Variants in CDKAL1 observed in about 807,000 individuals in gnomAD.
CDKAL1 encodes the protein CDKAL1 threonylcarbamoyladenosine tRNA methylthiotransferase.
In CDKAL1, 32 loss-of-function variants were observed where a neutral mutation model predicts 68.2. The observed-to-expected ratio is 0.47, with a 90% CI of 0.35 to 0.63. CDKAL1 has a LOEUF of 0.63. Ranked by LOEUF, CDKAL1 falls within the 30% of genes least tolerant of loss-of-function variation. The pLI is 0.00. For missense variants in CDKAL1, 606 were observed against 696.7 expected (o/e 0.87, Z 1.47); for synonymous variants, 234 against 244.3 (o/e 0.96, Z 0.39).
In CDKAL1 at chr6:20,835,356, G is replaced by C. The variant is rs148698989; in HGVS notation, c.639-10719G>C. ...TAATACATACTAAGCAATAAACAAG[G>C]TACCTCCTTCCCCACAAAAGGAGCC... is the stretch of plus-strand genomic sequence containing the variant. On this transcript the variant is annotated intron_variant, in intron 8 of 15. Transcript: ENST00000274695. 2.3e-4 allele frequency among the ~76,000 whole-genome samples: 35 copies of C among 152,164 alleles called. No individual in the cohort carries two copies. The East Asian group carries it at 6.8e-3, about 29-fold the overall frequency.
intron 10 of CDKAL1, among the ~76,000 whole-genome samples, chr6:20,987,628 ACTT>A (rs993460386): frequency 1.6e-4 from 25 of 152,182 alleles, no homozygotes; most frequent in African/African-American, 4.8e-4. Context: ...GCAACAGTTA[ACTT>A]CTTCTTCCCG....
intron 8 of CDKAL1, among the ~76,000 whole-genome samples, chr6:20,835,710 G>A (rs578183872): frequency 1.5e-4 from 23 of 152,192 alleles, no homozygotes; most frequent in Admixed American, 4.6e-4. Context: ...ACCAGGCCCA[G>A]CTAATTTTTT....
intron 9 of CDKAL1, among the ~76,000 whole-genome samples, chr6:20,922,114 T>A (rs1762982650): frequency 6.6e-6 from 1 of 152,204 alleles, no homozygotes; most frequent in African/African-American, 2.4e-5. Context: ...GCATACATTC[T>A]GAGCCAATGC....
At chr6:20,635,654 C>G (rs903588355) in intron 4 of CDKAL1, among the ~76,000 whole-genome samples, 2 of 152,140 alleles carry the variant, frequency 1.3e-5, no homozygotes, top group Admixed American at 6.5e-5. Context: ...TAGGGATACT[C>G]AACCTGTACC....
intron 5 of CDKAL1, among the ~76,000 whole-genome samples, chr6:20,686,227 C>G (rs998385751): frequency 6.6e-6 from 1 of 152,014 alleles, no homozygotes; most frequent in Non-Finnish European, 1.5e-5. Flanking sequence ...GGACAGGGTC[C>G]CCAACCCCTG....
chr6:20,722,333 A>T (rs1772419018), intron 5 of CDKAL1: 1 of 201,182 alleles, frequency 5.0e-6, no homozygotes. Flanking sequence ...GATGCTTAGA[A>T]CTAGTTAATT....
intron 7 of CDKAL1, among the ~76,000 whole-genome samples, chr6:20,768,501 A>G (rs987009671): frequency 6.6e-6 from 1 of 152,180 alleles, no homozygotes; most frequent in African/African-American, 2.4e-5. Context: ...TCCTTCTTAC[A>G]AAATGAAGCT....
chr6:20,752,669 C>T (rs760609937), intron 6 of CDKAL1, among the ~76,000 whole-genome samples: 2 of 152,112 alleles, frequency 1.3e-5, no homozygotes, highest in Admixed American at 6.5e-5. Context: ...CCCCTGATCC[C>T]GATCCTTATG....
chr6:20,803,025 G>A (rs926152624), intron 8 of CDKAL1, among the ~76,000 whole-genome samples: 2 of 152,198 alleles, frequency 1.3e-5, no homozygotes, highest in African/African-American at 4.8e-5. Flanking sequence ...CTGACAGAAT[G>A]TCTGAACTTA....
At chr6:20,714,316 T>TC (rs1771982212) in intron 5 of CDKAL1, among the ~76,000 whole-genome samples, 1 of 151,100 alleles carries the variant, frequency 6.6e-6, no homozygotes, top group African/African-American at 2.4e-5. Flanking sequence ...TAAGTGTTTG[T>TC]CGTAATCAAT....
At chr6:20,841,836 T>G (rs959341019) in intron 8 of CDKAL1, among the ~76,000 whole-genome samples, 1 of 152,262 alleles carries the variant, frequency 6.6e-6, no homozygotes, top group African/African-American at 2.4e-5. Context: ...TTTGAGGGTT[T>G]TAGTCATTCT....
intron 5 of CDKAL1, among the ~76,000 whole-genome samples, chr6:20,699,128 G>A (rs1482681133): frequency 2.0e-5 from 3 of 151,782 alleles, no homozygotes; most frequent in Admixed American, 6.6e-5. Flanking sequence ...TGTTTTTCAA[G>A]TCCAGTTAAG....
At chr6:20,847,744 A>G (rs1295872299) in intron 9 of CDKAL1, among the ~76,000 whole-genome samples, 1 of 152,198 alleles carries the variant, frequency 6.6e-6, no homozygotes, top group Admixed American at 6.5e-5. Flanking sequence ...GTGACTTGAG[A>G]AAAAAAGAAG....
intron 8 of CDKAL1, among the ~76,000 whole-genome samples, chr6:20,809,988 GA>G (rs1044030076): frequency 6.6e-6 from 1 of 152,152 alleles, no homozygotes; most frequent in Non-Finnish European, 1.5e-5. Flanking sequence ...AAAGATAGAT[GA>G]AGACATTTCT....
At chr6:20,964,101 A>G (rs1020529754) in intron 10 of CDKAL1, among the ~76,000 whole-genome samples, 7 of 152,214 alleles carry the variant, frequency 4.6e-5, no homozygotes, top group African/African-American at 1.4e-4. Context: ...AATCAAAACC[A>G]CAATGAAATA....
intron 4 of CDKAL1, among the ~76,000 whole-genome samples, chr6:20,624,667 G>A (rs1341652630): frequency 1.3e-5 from 2 of 151,824 alleles, no homozygotes; most frequent in African/African-American, 4.8e-5. Context: ...TACAATTGAC[G>A]AGAGTAGTGG....
At chr6:20,841,473 A>G (rs1252341759) in intron 8 of CDKAL1, among the ~76,000 whole-genome samples, 1 of 152,222 alleles carries the variant, frequency 6.6e-6, no homozygotes, top group East Asian at 1.9e-4. Flanking sequence ...TTTAGTTTTC[A>G]CTTGCTTTAT....
chr6:20,588,988 TCAAA>T (rs748703096), intron 4 of CDKAL1, among the ~76,000 whole-genome samples: 19 of 152,188 alleles, frequency 1.2e-4, no homozygotes, highest in Admixed American at 3.9e-4. Context: ...TTTATGTGAA[TCAAA>T]CAGTCTTGGT....
At chr6:20,937,650 A>G (rs921603258) in intron 9 of CDKAL1, among the ~76,000 whole-genome samples, 5 of 152,138 alleles carry the variant, frequency 3.3e-5, no homozygotes, top group African/African-American at 1.2e-4. Context: ...GTGCTGGTCA[A>G]TTATTTTATA....
Sources: gnomAD v4.1 joint callset for allele counts (sites outside exome capture counted in the v4.1 genomes callset) on GRCh38, gnomAD v4.1.1 for gene constraint, MANE v1.5 for transcripts, NCBI Gene and HGNC (gene_info 2026-07-23, HGNC 2026-07-21) for gene names.